The following GUCY1A2 variants were observed in gnomAD, a reference collection of about 807,000 sequenced individuals.
The protein encoded by GUCY1A2 is guanylate cyclase soluble subunit alpha-2.
A neutral mutation model predicts 63.5 loss-of-function variants in GUCY1A2; 27 were observed. The ratio of observed to expected loss-of-function variants is 0.43; its 90% CI spans 0.31 to 0.59. The LOEUF is 0.59. Among genes scored for constraint, GUCY1A2 ranks in the 20% least tolerant of loss-of-function variants. The probability of loss-of-function intolerance (pLI) is 0.11; values close to 1 mark genes in which losing one functional copy is unlikely to be tolerated. For missense variants in GUCY1A2, 768 were observed against 913.3 expected (o/e 0.84, Z 2.05); for synonymous variants, 364 against 343.5 (o/e 1.06, Z -0.66).
intron 5 of GUCY1A2, among the ~76,000 whole-genome samples, chr11:106,807,894 G>T (rs1439483514): frequency 6.6e-6 from 1 of 151,930 alleles, no homozygotes; most frequent in Non-Finnish European, 1.5e-5. Context: ...TTAGCTTTTG[G>T]ACTCTTGGAC....
In GUCY1A2 at chr11:106,984,413, G is replaced by C. The variant is rs115106780; in HGVS notation, c.365+1657C>G. Among the ~76,000 whole-genome samples the C allele has an allele frequency of 8.7e-3, 1,325 of 152,278 alleles. 18 individuals carry two copies. The highest frequency in any genetic ancestry group is 0.03 in the African/African-American group (1,239 of 41,544). ...TAGGTAGAAGGGGAGGGCTGAGGCA[G>C]CCAGCTGGATAAAAGGGAACTCCCT... On this transcript the variant is annotated intron_variant, in intron 2 of 7. Coordinates refer to ENST00000526355, the MANE Select transcript of GUCY1A2 (RefSeq NM_000855.3).
chr11:106,988,494 T>C (rs1337980764), intron 1 of GUCY1A2, among the ~76,000 whole-genome samples: 1 of 151,670 alleles, frequency 6.6e-6, no homozygotes, highest in East Asian at 1.9e-4. Flanking sequence ...ACCAGGAATT[T>C]CCCAGTCATT....
chr11:106,900,627 C>T (rs910255251), intron 4 of GUCY1A2, among the ~76,000 whole-genome samples: 2 of 152,106 alleles, frequency 1.3e-5, no homozygotes, highest in East Asian at 1.9e-4. Context: ...AAACTATCTT[C>T]TATATATCCA....
At chr11:106,821,669 C>CA (rs1262381184) in intron 4 of GUCY1A2, among the ~76,000 whole-genome samples, 3 of 152,138 alleles carry the variant, frequency 2.0e-5, no homozygotes, top group Non-Finnish European at 2.9e-5. Context: ...AGCACTAACA[C>CA]AGTGTCACAC....
chr11:107,004,673 G>C (rs1861649972), intron 1 of GUCY1A2, among the ~76,000 whole-genome samples: 1 of 152,152 alleles, frequency 6.6e-6, no homozygotes. Context: ...GATAATTTAT[G>C]ATAGTGAAGC....
chr11:106,985,161 G>A (rs1218023189), intron 2 of GUCY1A2, among the ~76,000 whole-genome samples: 1 of 152,146 alleles, frequency 6.6e-6, no homozygotes, highest in African/African-American at 2.4e-5. Flanking sequence ...ATGATCCTGA[G>A]AGCAGTTCAA....
chr11:106,841,600 A>C (rs1859199269), intron 4 of GUCY1A2, among the ~76,000 whole-genome samples: 1 of 151,878 alleles, frequency 6.6e-6, no homozygotes, highest in Non-Finnish European at 1.5e-5. Context: ...TGAGGGAGGG[A>C]CCATGTTTTA....
chr11:106,756,563 A>G (rs1239467037), intron 6 of GUCY1A2, among the ~76,000 whole-genome samples: 1 of 152,118 alleles, frequency 6.6e-6, no homozygotes, highest in Non-Finnish European at 1.5e-5. Flanking sequence ...ATCTCTCAGC[A>G]TTTGCTTGTC....
At chr11:106,737,973 T>A (rs1447935168) in intron 6 of GUCY1A2, among the ~76,000 whole-genome samples, 1 of 152,222 alleles carries the variant, frequency 6.6e-6, no homozygotes, top group Non-Finnish European at 1.5e-5. Flanking sequence ...ATCACCACAC[T>A]GTCTTCCACA....
rs932156574 is a variant in GUCY1A2 at position 106,685,695 on chromosome 11, A to G, written c.*1854T>C. 1.3e-5 allele frequency: 3 copies of G among 227,744 alleles called. No homozygotes were observed. Among genetic ancestry groups the G allele is most frequent in the Non-Finnish European group, 1.7e-5 (2 of 114,636 alleles). The allele number at this position is 227,744 out of a possible 1,614,324, so 14.1% of individuals were successfully genotyped here. A position where few individuals can be genotyped will look rare whatever the true frequency, so the allele number is the denominator to read the frequency against. On this transcript the variant is annotated 3_prime_UTR_variant, in exon 8 of 8. Coordinates refer to ENST00000526355, the MANE Select transcript of GUCY1A2 (RefSeq NM_000855.3). ...GAGGTGCTCCCAGTCTGCTCTGCTC[A>G]TACTGGCTGTAAACCTCCCCATTGT...
intron 6 of GUCY1A2, among the ~76,000 whole-genome samples, chr11:106,716,627 A>G (rs1056884064): frequency 1.3e-5 from 2 of 151,710 alleles, no homozygotes; most frequent in African/African-American, 4.8e-5. Context: ...AAATTAGCTG[A>G]GCGTGGTGGA....
intron 5 of GUCY1A2, among the ~76,000 whole-genome samples, chr11:106,791,368 CA>C (rs1864656847): frequency 6.6e-6 from 1 of 152,202 alleles, no homozygotes; most frequent in Non-Finnish European, 1.5e-5. Flanking sequence ...GGTATAGTGT[CA>C]ACAATTGAGG....
chr11:106,785,867 G>A (rs1464466651), intron 5 of GUCY1A2, among the ~76,000 whole-genome samples: 3 of 102,260 alleles, frequency 2.9e-5, no homozygotes, highest in African/African-American at 3.9e-5. Flanking sequence ...TATTCACCCC[G>A]ATATCCACCT....
intron 4 of GUCY1A2, among the ~76,000 whole-genome samples, chr11:106,867,914 C>T (rs1859617864): frequency 6.6e-6 from 1 of 152,014 alleles, no homozygotes; most frequent in Admixed American, 6.6e-5. Context: ...TATGGAATGA[C>T]ATTTGTTCCA....
In GUCY1A2 at chr11:106,682,681, C is replaced by T. The variant is rs1353801762; in HGVS notation, c.*4868G>A. 4.7e-6 allele frequency: 1 copy of T among 211,252 alleles called. No individual in the cohort carries two copies. Among genetic ancestry groups the T allele is most frequent in the Non-Finnish European group, 9.6e-6 (1 of 104,100 alleles). The allele number at this position is 211,252 out of a possible 1,614,324, so 13.1% of individuals were successfully genotyped here. On this transcript the variant is annotated 3_prime_UTR_variant, in exon 8 of 8. Coordinates refer to ENST00000526355, the MANE Select transcript of GUCY1A2 (RefSeq NM_000855.3). ...ACTTCTTTCAATCATGAAACATCTA[C>T]ATTCAATAAACACAGATGCATACAC...
chr11:106,820,300 T>C (rs1052938167), intron 4 of GUCY1A2, among the ~76,000 whole-genome samples: 2 of 152,186 alleles, frequency 1.3e-5, no homozygotes, highest in African/African-American at 4.8e-5. Context: ...AACCTACCAA[T>C]ACTATGGTCT....
chr11:106,828,970 G>T (rs1859013858), intron 4 of GUCY1A2, among the ~76,000 whole-genome samples: 1 of 152,134 alleles, frequency 6.6e-6, no homozygotes, highest in African/African-American at 2.4e-5. Context: ...ATGTAAAGGG[G>T]CCCTTACATT....
At chr11:106,963,137 A>G (rs1861081507) in intron 3 of GUCY1A2, among the ~76,000 whole-genome samples, 1 of 152,208 alleles carries the variant, frequency 6.6e-6, no homozygotes, top group Non-Finnish European at 1.5e-5. Context: ...GCACATTGCA[A>G]TATTATCTAA....
chr11:106,943,427 G>A (rs1224543453), intron 3 of GUCY1A2, among the ~76,000 whole-genome samples: 1 of 152,216 alleles, frequency 6.6e-6, no homozygotes, highest in Non-Finnish European at 1.5e-5. Flanking sequence ...AGTTAAGTTA[G>A]AATTTTTAAC....
Sources: allele counts gnomAD v4.1 joint callset (sites outside exome capture counted in the v4.1 genomes callset), GRCh38; gene constraint gnomAD v4.1.1; transcripts MANE v1.5; gene names NCBI Gene and HGNC (gene_info 2026-07-23, HGNC 2026-07-21).